DST: variants seen among roughly 807,000 people sequenced by gnomAD.
DST encodes dystonin.
In DST, 253 loss-of-function variants were observed where a neutral mutation model predicts 875.2. The ratio of observed to expected loss-of-function variants is 0.29; its 90% CI spans 0.26 to 0.32. The LOEUF (loss-of-function observed/expected upper bound fraction) is 0.32. Among genes scored for constraint, DST ranks in the 10% least tolerant of loss-of-function variants. The pLI, the probability that DST is intolerant of heterozygous loss-of-function variation, is 1.00. For synonymous variants in DST, 3,124 were observed against 3,197.1 expected, an observed-to-expected ratio of 0.98 and a Z score of 0.77; for missense variants, 8,287 against 9,111.6, an observed-to-expected ratio of 0.91 and a Z score of 3.68.
chr6:56,829,728 T>G (rs2099784888), intron 4 of DST, among the ~76,000 whole-genome samples: 1 of 152,154 alleles, frequency 6.6e-6, no homozygotes, highest in Non-Finnish European at 1.5e-5. Context: ...AAAAGACCAT[T>G]AATTTTTTTA....
At chr6:56,698,203 T>C (rs1015765263) in intron 9 of DST, among the ~76,000 whole-genome samples, 1 of 152,178 alleles carries the variant, frequency 6.6e-6, no homozygotes, top group African/African-American at 2.4e-5. Context: ...TAGACCTACC[T>C]AGACTCTGAT....
intron 71 of DST, among the ~76,000 whole-genome samples, chr6:56,516,442 C>T (rs916554310): frequency 6.6e-6 from 1 of 152,032 alleles, no homozygotes; most frequent in African/African-American, 2.4e-5. Context: ...AAGCAAATTG[C>T]CATTGTAGAG....
rs2098507922 is a variant in DST at position 56,607,393 on chromosome 6, C to G, written c.7235G>C (p.Gly2412Ala). The change falls in exon 40 of 104, where the codon GGT becomes GCT. Residue 2412 changes from glycine (G) to alanine (A), a missense_variant. This residue lies in a region of DST where 3,138 missense variants were observed against 3,116.6 expected (regional missense o/e 1.01). Transcript: ENST00000680361. ...IMKSKMSKFC[G>A]VNETENEDNT... ...ATCTTCATTCTCTGTTTCATTCACA[C>G]CACAGAATTTACTCATTTTTGATTT... The G allele has an allele frequency of 1.2e-6, 2 of 1,612,562 alleles. No homozygotes were observed. Among genetic ancestry groups the G allele is most frequent in the Non-Finnish European group, 1.7e-6 (2 of 1,179,456 alleles).
At chr6:56,514,108 C>T (rs2096541129) in intron 72 of DST, among the ~76,000 whole-genome samples, 1 of 152,008 alleles carries the variant, frequency 6.6e-6, no homozygotes, top group Admixed American at 6.5e-5. Context: ...AAAGATTATG[C>T]AAAAAGGCAA....
intron 4 of DST, among the ~76,000 whole-genome samples, chr6:56,781,470 T>G (rs199790822): frequency 5.3e-5 from 8 of 151,968 alleles, no homozygotes; most frequent in South Asian, 2.1e-4. Context: ...AAGTATTTTA[T>G]TCTCTTGGAA....
intron 3 of DST, among the ~76,000 whole-genome samples, chr6:56,884,974 C>T (rs1188578735): frequency 6.6e-6 from 1 of 152,142 alleles, no homozygotes; most frequent in Non-Finnish European, 1.5e-5. Context: ...TCATGATCCG[C>T]CCACCTCGGC....
At chr6:56,865,968 T>G (rs1773836216) in intron 3 of DST, among the ~76,000 whole-genome samples, 1 of 133,848 alleles carries the variant, frequency 7.5e-6, no homozygotes, top group South Asian at 2.2e-4. Context: ...TAGAGCTATG[T>G]TTTTTTTTTG....
chr6:56,472,031 G>A lies in DST; in HGVS notation c.22158+28C>T, dbSNP rs527992290. 7.5e-5 allele frequency: 121 copies of A among 1,610,800 alleles called. 1 individual carries two copies. The South Asian group carries it at 1.3e-3, about 17-fold the overall frequency. On this transcript the variant is annotated intron_variant, in intron 94 of 103. Transcript: ENST00000680361. ...ATGAGGAATGAGGGCAAATGACAAT[G>A]TGGTGTTGAGGGTATGAATTTCCAA...
intron 4 of DST, among the ~76,000 whole-genome samples, chr6:56,781,148 T>C (rs1167924154): frequency 6.6e-6 from 1 of 152,218 alleles, no homozygotes; most frequent in Non-Finnish European, 1.5e-5. Flanking sequence ...TTGTTTGAAG[T>C]CAGGTAGCGT....
intron 4 of DST, among the ~76,000 whole-genome samples, chr6:56,757,078 A>T (rs1231677326): frequency 6.6e-6 from 1 of 152,218 alleles, no homozygotes; most frequent in Non-Finnish European, 1.5e-5. Context: ...AGGAACAGAG[A>T]TGGTTCCAGG....
intron 9 of DST, among the ~76,000 whole-genome samples, chr6:56,686,770 C>T (rs998761865): frequency 2.0e-5 from 3 of 152,182 alleles, no homozygotes; most frequent in African/African-American, 7.2e-5. Flanking sequence ...GTTTTGAAAA[C>T]TTACAGAATT....
chr6:56,613,367 A>G (rs527422176), intron 37 of DST, among the ~76,000 whole-genome samples: 1 of 152,320 alleles, frequency 6.6e-6, no homozygotes, highest in African/African-American at 2.4e-5. Context: ...CTTCTCCAAG[A>G]AAGAACCTCA....
At chr6:56,592,673 C>T (rs2098300077) in intron 48 of DST, among the ~76,000 whole-genome samples, 1 of 152,028 alleles carries the variant, frequency 6.6e-6, no homozygotes, top group South Asian at 2.1e-4. Flanking sequence ...TTTGATACAC[C>T]ATGTGTATAG....
chr6:56,543,027 A>G (rs368251887), intron 61 of DST, among the ~76,000 whole-genome samples: 4 of 152,354 alleles, frequency 2.6e-5, no homozygotes, highest in South Asian at 4.1e-4. Flanking sequence ...GGGGAGAGGG[A>G]CAGCTCAGGT....
chr6:56,481,667 G>C (rs184798541), intron 90 of DST, among the ~76,000 whole-genome samples: 3 of 152,124 alleles, frequency 2.0e-5, no homozygotes, highest in African/African-American at 7.2e-5. Flanking sequence ...ACAATCCTAC[G>C]GGTATAATTT....
chr6:56,616,089 T>C, intron 36 of DST: 1 of 1,614,150 alleles, frequency 6.2e-7, no homozygotes, highest in Non-Finnish European at 8.5e-7. Context: ...AGTACAGAGA[T>C]CCTTTCCCCA....
intron 3 of DST, among the ~76,000 whole-genome samples, chr6:56,899,315 T>C (rs1019563983): frequency 4.6e-5 from 7 of 152,244 alleles, no homozygotes; most frequent in South Asian, 2.1e-4. Flanking sequence ...CTTTGTTTTA[T>C]TGAATCATGA....
At chr6:56,692,562 G>T in intron 9 of DST, 5 of 1,289,468 alleles carry the variant, frequency 3.9e-6, no homozygotes, top group Non-Finnish European at 5.1e-6. Context: ...CACTTTTTTC[G>T]AGTGATCTTT....
chr6:56,659,654 G>T (rs768160078), intron 10 of DST, among the ~76,000 whole-genome samples: 2 of 152,100 alleles, frequency 1.3e-5, no homozygotes, highest in Non-Finnish European at 2.9e-5. Context: ...AATGATGGAG[G>T]ATATTGCCAC....
Sources: allele counts gnomAD v4.1 joint callset (sites outside exome capture counted in the v4.1 genomes callset), GRCh38; gene constraint gnomAD v4.1.1; regional missense constraint gnomAD v4.1.1; transcripts MANE v1.5; gene names NCBI Gene and HGNC (gene_info 2026-07-23, HGNC 2026-07-21).